DYRK1A: variants seen among roughly 807,000 people sequenced by gnomAD.
The protein encoded by DYRK1A is dual specificity tyrosine phosphorylation regulated kinase 1A.
In DYRK1A, 9 loss-of-function variants were observed where a neutral mutation model predicts 79.7. The ratio of observed to expected loss-of-function variants is 0.11; its 90% CI spans 0.07 to 0.20. DYRK1A has a LOEUF of 0.20. Ranked by LOEUF, DYRK1A falls within the 10% of genes least tolerant of loss-of-function variation. The pLI, the probability that DYRK1A is intolerant of heterozygous loss-of-function variation, is 1.00. For synonymous variants in DYRK1A, 349 were observed against 329.7 expected (o/e 1.06, Z -0.63); for missense variants, 622 against 956.0 (o/e 0.65, Z 4.61).
At chr21:37,369,651 A>G (rs1009474828) in intron 1 of DYRK1A, among the ~76,000 whole-genome samples, 1 of 152,214 alleles carries the variant, frequency 6.6e-6, no homozygotes, top group Non-Finnish European at 1.5e-5. Context: ...TGCAGGAGGA[A>G]GGGTCACCCC....
chr21:37,413,148 G>T (rs1242147793), intron 1 of DYRK1A, among the ~76,000 whole-genome samples: 1 of 152,130 alleles, frequency 6.6e-6, no homozygotes, highest in East Asian at 1.9e-4. Flanking sequence ...AAGTGTGGGA[G>T]GGGAAGTAAG....
intron 1 of DYRK1A, among the ~76,000 whole-genome samples, chr21:37,369,656 C>T (rs1338555591): frequency 6.6e-6 from 1 of 152,218 alleles, no homozygotes; most frequent in Non-Finnish European, 1.5e-5. Flanking sequence ...GAGGAAGGGT[C>T]ACCCCTTGTG....
chr21:37,367,066 GGTGTGAGTGCGA>G lies in DYRK1A; in HGVS notation c.-633_-622del, dbSNP rs1343786359. 1 of 158,590 alleles carries G rather than the reference GGTGTGAGTGCGA, an allele frequency of 6.3e-6. No individual in the cohort carries two copies. The highest frequency in any genetic ancestry group is 2.4e-5 in the African/African-American group (1 of 41,402). The allele number at this position is 158,590 out of a possible 1,614,324, so 9.8% of individuals were successfully genotyped here. On this transcript the variant is annotated 5_prime_UTR_variant, in exon 1 of 12. Coordinates refer to ENST00000647188, the MANE Select transcript of DYRK1A (RefSeq NM_001347721.2). ...CCGCCGCCGGCGAGCAGGCGGGACC[GGTGTGAGTGCGA>G]GTGTGTGTGCGAGGGAGCGTGTGCG...
chr21:37,438,699 A>G (rs941134774), intron 2 of DYRK1A, among the ~76,000 whole-genome samples: 6 of 152,196 alleles, frequency 3.9e-5, no homozygotes, highest in South Asian at 2.1e-4. Context: ...CCTGATACCA[A>G]TACCATATTG....
In DYRK1A at chr21:37,457,029, C is replaced by T. The variant is rs199506971; in HGVS notation, c.11-15655C>T. Among the ~76,000 whole-genome samples, 36 of 87,840 alleles carry T rather than the reference C, an allele frequency of 4.1e-4. 1 individual carries two copies. The East Asian group carries it at 7.1e-3, about 17-fold the overall frequency. The allele number at this position is 87,840 out of a possible 152,430, so 57.6% of individuals were successfully genotyped here. On this transcript the variant is annotated intron_variant, in intron 2 of 11. Coordinates refer to ENST00000647188, the MANE Select transcript of DYRK1A (RefSeq NM_001347721.2). ...AAAAGAAAATTTACTTACTTACTTACTTACTTACTTATTTATTTATTTATT... is the reference window on the plus strand; with the variant it reads ...AAAAGAAAATTTACTTACTTACTTATTTACTTACTTATTTATTTATTTATT...
chr21:37,442,279 C>G (rs576762973), intron 2 of DYRK1A, among the ~76,000 whole-genome samples: 2 of 152,008 alleles, frequency 1.3e-5, no homozygotes, highest in African/African-American at 4.8e-5. Flanking sequence ...GATTTTTGAC[C>G]ATTAGTTTTT....
At chr21:37,444,821 A>G (rs192876322) in intron 2 of DYRK1A, among the ~76,000 whole-genome samples, 315 of 152,270 alleles carry the variant, frequency 2.1e-3, no homozygotes, top group Non-Finnish European at 3.3e-3. Flanking sequence ...GGAGTGGTAG[A>G]TGTTCTTGCT....
intron 5 of DYRK1A, among the ~76,000 whole-genome samples, chr21:37,482,546 TCGCAGGAC>T (rs1461775682): frequency 1.3e-5 from 2 of 152,074 alleles, no homozygotes; most frequent in East Asian, 3.9e-4. Flanking sequence ...CAGGGCGAGA[TCGCAGGAC>T]CACAGGACCA....
rs575016290 is a variant in DYRK1A at position 37,400,920 on chromosome 21, G to A, written c.-76-19379G>A. ...AGCACTTTGGGAGGCTGAGGTGGGC[G>A]GATCACTTGAGGTCAGGAGTTCAAG... is the stretch of plus-strand genomic sequence containing the variant. On this transcript the variant is annotated intron_variant, in intron 1 of 11. Transcript: ENST00000647188. 1.1e-4 allele frequency among the ~76,000 whole-genome samples: 16 copies of A among 152,258 alleles called. No homozygotes were observed. The South Asian group carries it at 2.3e-3, about 22-fold the overall frequency.
chr21:37,491,278 G>T (rs1225241453), intron 7 of DYRK1A, among the ~76,000 whole-genome samples: 1 of 152,092 alleles, frequency 6.6e-6, no homozygotes, highest in Admixed American at 6.5e-5. Flanking sequence ...ATTGTTTTAT[G>T]TATAAAATAG....
At chr21:37,464,428 A>G (rs778005365) in intron 2 of DYRK1A, 5 of 314,458 alleles carry the variant, frequency 1.6e-5, no homozygotes, top group Non-Finnish European at 3.1e-5. Context: ...TGCTCATGGT[A>G]AAAATGATCC....
intron 2 of DYRK1A, among the ~76,000 whole-genome samples, chr21:37,469,253 G>A (rs2052138563): frequency 6.6e-6 from 1 of 152,138 alleles, no homozygotes; most frequent in South Asian, 2.1e-4. Flanking sequence ...AAAAACAACA[G>A]GACAGCATCT....
chr21:37,472,570 GT>G, intron 2 of DYRK1A, 113 bp from the exon 3 acceptor site: 1 of 887,770 alleles, frequency 1.1e-6, no homozygotes, highest in Non-Finnish European at 1.6e-6. Flanking sequence ...AGTTAGAAAA[GT>G]TTTTTAATAT....
intron 7 of DYRK1A, 50 bp from the exon 8 acceptor site, chr21:37,492,967 G>T: frequency 6.9e-7 from 1 of 1,440,362 alleles, no homozygotes; most frequent in South Asian, 1.3e-5. Context: ...ATCCAATGCT[G>T]ACTGCAGTTT....
At chr21:37,454,085 CTTTTTTTT>C (rs571859735) in intron 2 of DYRK1A, among the ~76,000 whole-genome samples, 16 of 59,626 alleles carry the variant, frequency 2.7e-4, no homozygotes, top group East Asian at 1.2e-3. Context: ...ATGTAGTCTC[CTTTTTTTT>C]TTTTTTTTTT....
At chr21:37,491,388 T>C (rs181148467) in intron 7 of DYRK1A, among the ~76,000 whole-genome samples, 15 of 152,322 alleles carry the variant, frequency 9.8e-5, no homozygotes, top group African/African-American at 3.6e-4. Context: ...ATTGAAACTA[T>C]ATTTCTTCTG....
Position 37,420,313 on chromosome 21 carries a change from C to A in DYRK1A, c.-62C>A. 1 of 1,522,668 alleles carries A rather than the reference C, an allele frequency of 6.6e-7. No homozygotes were observed. Among genetic ancestry groups the A allele is most frequent in the Non-Finnish European group, 9.1e-7 (1 of 1,100,642 alleles). The allele number at this position is 1,522,668 out of a possible 1,614,324, so 94.3% of individuals were successfully genotyped here. ...TCTTCACACAGTGTTATAGTTTTGC[C>A]GCTGGACTCTTCCCTCCCTTCCCCC... On this transcript the variant is annotated 5_prime_UTR_variant, in exon 2 of 12. Coordinates refer to ENST00000647188, the MANE Select transcript of DYRK1A (RefSeq NM_001347721.2).
chr21:37,408,196 T>C (rs1401646016), intron 1 of DYRK1A, among the ~76,000 whole-genome samples: 1 of 152,216 alleles, frequency 6.6e-6, no homozygotes, highest in African/African-American at 2.4e-5. Flanking sequence ...TCAGAAAGTG[T>C]CACTGATTCT....
At chr21:37,437,801 GATGC>G (rs2050970178) in intron 2 of DYRK1A, among the ~76,000 whole-genome samples, 1 of 152,152 alleles carries the variant, frequency 6.6e-6, no homozygotes. Flanking sequence ...TACAAATAAA[GATGC>G]TATGAATATT....
Sources: allele counts gnomAD v4.1 joint callset (sites outside exome capture counted in the v4.1 genomes callset), GRCh38; gene constraint gnomAD v4.1.1; transcripts MANE v1.5; gene names NCBI Gene and HGNC (gene_info 2026-07-23, HGNC 2026-07-21).